Variants in CSMD1 observed in about 807,000 individuals in gnomAD.
CSMD1 encodes CUB and Sushi multiple domains 1, also known as CUB and sushi domain-containing protein 1.
A neutral mutation model predicts 417.5 loss-of-function variants in CSMD1; 213 were observed. The observed-to-expected ratio is 0.51, with a 90% CI of 0.46 to 0.57. CSMD1 has a LOEUF of 0.57. CSMD1 is among the 20% of genes least tolerant of loss of function. The pLI is 0.00. For missense variants in CSMD1, 6,923 were observed against 4,529.7 expected (o/e 1.53, Z -15.17); for synonymous variants, 2,862 against 1,736.8 (o/e 1.65, Z -16.11).
At chr8:4,903,690 G>T (rs1285720375) in intron 1 of CSMD1, among the ~76,000 whole-genome samples, 1 of 152,188 alleles carries the variant, frequency 6.6e-6, no homozygotes. Context: ...ACCAAAGGTT[G>T]TAATAAGGTC....
chr8:3,883,921 T>A (rs1037436932), intron 5 of CSMD1, among the ~76,000 whole-genome samples: 1 of 152,158 alleles, frequency 6.6e-6, no homozygotes. Context: ...TGTTAAAATA[T>A]ATGAATATAG....
At chr8:3,803,450 A>C (rs1384448009) in intron 5 of CSMD1, among the ~76,000 whole-genome samples, 3 of 152,200 alleles carry the variant, frequency 2.0e-5, no homozygotes, top group African/African-American at 7.2e-5. Context: ...CAAAGGAGAA[A>C]ATATTAAACC....
intron 5 of CSMD1, among the ~76,000 whole-genome samples, chr8:3,922,543 C>G (rs984837577): frequency 1.3e-5 from 2 of 151,952 alleles, no homozygotes; most frequent in East Asian, 3.9e-4. Flanking sequence ...TGTATACCTA[C>G]TAGAGTTTTT....
At chr8:4,104,828 T>C (rs1801486807) in intron 3 of CSMD1, among the ~76,000 whole-genome samples, 1 of 152,216 alleles carries the variant, frequency 6.6e-6, no homozygotes. Flanking sequence ...AATGTTTCCT[T>C]GAGATCAAAG....
chr8:3,540,180 T>C (rs1470052072), intron 10 of CSMD1, among the ~76,000 whole-genome samples: 1 of 152,192 alleles, frequency 6.6e-6, no homozygotes, highest in Non-Finnish European at 1.5e-5. Context: ...CAGTTTAGTC[T>C]TGAAAAAAAA....
chr8:3,730,775 G>C (rs557274884), intron 6 of CSMD1, among the ~76,000 whole-genome samples: 1 of 152,088 alleles, frequency 6.6e-6, no homozygotes, highest in Non-Finnish European at 1.5e-5. Flanking sequence ...GTCACTCAGA[G>C]GTGATACCCT....
intron 3 of CSMD1, among the ~76,000 whole-genome samples, chr8:4,262,673 A>T (rs150784780): frequency 6.6e-6 from 1 of 152,108 alleles, no homozygotes; most frequent in South Asian, 2.1e-4. Flanking sequence ...GTGCCCAACC[A>T]GGACCCTCAG....
In CSMD1 at chr8:4,853,826, G is replaced by A. The variant is rs140220834; in HGVS notation, c.85+140506C>T. On this transcript the variant is annotated intron_variant, in intron 1 of 69. Coordinates refer to ENST00000635120, the MANE Select transcript of CSMD1 (RefSeq NM_033225.6). ...CACAGTGGACCTGACCAAAGCCTTG[G>A]GAGCCCACTCCTTGCAGTAGTGTGA... Among the ~76,000 whole-genome samples, 16 of 152,312 alleles carry A rather than the reference G, an allele frequency of 1.1e-4. No homozygotes were observed. The East Asian group carries it at 3.1e-3, about 29-fold the overall frequency.
chr8:3,566,921 C>G (rs1307981337), intron 10 of CSMD1, among the ~76,000 whole-genome samples: 1 of 152,214 alleles, frequency 6.6e-6, no homozygotes, highest in African/African-American at 2.4e-5. Context: ...AATCCCATTA[C>G]TGGGTACATA....
intron 3 of CSMD1, among the ~76,000 whole-genome samples, chr8:4,058,645 G>T (rs1264099434): frequency 6.7e-6 from 1 of 149,070 alleles, no homozygotes; most frequent in East Asian, 2.0e-4. Flanking sequence ...TGCAATCCTA[G>T]TCTCTGATAA....
chr8:3,276,883 C>A (rs532880345), intron 26 of CSMD1, among the ~76,000 whole-genome samples: 1 of 152,238 alleles, frequency 6.6e-6, no homozygotes, highest in South Asian at 2.1e-4. Flanking sequence ...AAAACAAAGA[C>A]CATCTGCCCT....
rs543556940 is a variant in CSMD1 at position 4,043,911 on chromosome 8, G to A, written c.416-11812C>T. Among the ~76,000 whole-genome samples the A allele has an allele frequency of 1.2e-3, 183 of 152,220 alleles. 1 individual carries two copies. Among genetic ancestry groups the A allele is most frequent in the Middle Eastern group, 6.8e-3 (2 of 294 alleles). On this transcript the variant is annotated intron_variant, in intron 3 of 69. Coordinates refer to ENST00000635120, the MANE Select transcript of CSMD1 (RefSeq NM_033225.6). ...AGATAACACAGATAAACCTGAATCT[G>A]TATAGACCTATGATATTTCCACCAC...
At chr8:3,399,147 C>T (rs575530249) in intron 16 of CSMD1, among the ~76,000 whole-genome samples, 5 of 152,114 alleles carry the variant, frequency 3.3e-5, no homozygotes, top group African/African-American at 7.2e-5. Context: ...GGTCGGACCT[C>T]GGGAATGGTC....
intron 26 of CSMD1, among the ~76,000 whole-genome samples, chr8:3,259,396 C>T (rs1800888703): frequency 1.3e-5 from 2 of 151,006 alleles, no homozygotes; most frequent in South Asian, 4.2e-4. Flanking sequence ...TTTACGGACA[C>T]TCAGTAATCC....
At chr8:3,003,295 T>G (rs560276698) in intron 52 of CSMD1, among the ~76,000 whole-genome samples, 1 of 152,354 alleles carries the variant, frequency 6.6e-6, no homozygotes, top group South Asian at 2.1e-4. Flanking sequence ...TAGTCTATGA[T>G]AGTATTATTC....
At chr8:4,933,650 A>C (rs1807406925) in intron 1 of CSMD1, among the ~76,000 whole-genome samples, 1 of 152,186 alleles carries the variant, frequency 6.6e-6, no homozygotes, top group African/African-American at 2.4e-5. Flanking sequence ...ATGCCTGTCA[A>C]ATAAATGGAT....
In CSMD1 at chr8:4,448,060, C is replaced by G. The variant is rs188402119; in HGVS notation, c.303-27995G>C. The stretch of plus-strand genomic sequence containing the variant: ...CATGAGGTTTCCTGGAATATCACCC[C>G]TAAGCTTAGCTGTCCAGTGGAAATT... On this transcript the variant is annotated intron_variant, in intron 2 of 69. Transcript: ENST00000635120. 1.2e-4 allele frequency among the ~76,000 whole-genome samples: 19 copies of G among 152,306 alleles called. No individual in the cohort carries two copies. In the East Asian group the frequency reaches 2.5e-3, roughly 20 times the overall value.
intron 3 of CSMD1, among the ~76,000 whole-genome samples, chr8:4,326,445 G>T (rs1344326806): frequency 6.6e-6 from 1 of 152,118 alleles, no homozygotes; most frequent in Non-Finnish European, 1.5e-5. Context: ...CTGAGCAAGA[G>T]GTAAAGAATG....
At chr8:3,315,566 C>T (rs1034537801) in intron 23 of CSMD1, among the ~76,000 whole-genome samples, 1 of 151,940 alleles carries the variant, frequency 6.6e-6, no homozygotes, top group Admixed American at 6.6e-5. Context: ...TTAATTCATT[C>T]AATTTTTCCC....
Sources: allele counts gnomAD v4.1 joint callset (sites outside exome capture counted in the v4.1 genomes callset), GRCh38; gene constraint gnomAD v4.1.1; transcripts MANE v1.5; gene names NCBI Gene and HGNC (gene_info 2026-07-23, HGNC 2026-07-21).